ZNF318: variants seen among roughly 807,000 people sequenced by gnomAD.
ZNF318 encodes zinc finger protein 318, also known as endocrine regulator.
Under a neutral mutation model 124.2 loss-of-function variants are expected in ZNF318, and 51 were observed. The observed-to-expected ratio is 0.41, with a 90% confidence interval of 0.33 to 0.52. The LOEUF (loss-of-function observed/expected upper bound fraction) is 0.52, where lower values mean the gene tolerates loss of function less well. ZNF318 is among the 20% of genes least tolerant of loss of function. The pLI, the probability that ZNF318 is intolerant of heterozygous loss-of-function variation, is 0.23. For synonymous variants in ZNF318, 1,090 were observed against 1,040.7 expected, an observed-to-expected ratio of 1.05 and a Z score of -0.91; for missense variants, 2,815 against 2,811.2, an observed-to-expected ratio of 1.00 and a Z score of -0.03.
At position 43,337,018 on chromosome 6, in the gene ZNF318, CCATGAA is replaced by C. The variant is rs1473208676; in HGVS notation, c.*134_*139del. The stretch of plus-strand genomic sequence containing the variant: ...GGAAAGGAGGTAAATTTTTTAGCTT[CCATGAA>C]CATTTACTTTAAGATGCTGACTGCA... On this transcript the variant is annotated 3_prime_UTR_variant, in exon 10 of 10. Transcript: ENST00000361428. The C allele has an allele frequency of 3.2e-5, 24 of 758,070 alleles. No individual in the cohort carries two copies. The South Asian group carries it at 8.0e-4, about 25-fold the overall frequency. The allele number at this position is 758,070 out of a possible 1,614,324, so 47.0% of individuals were successfully genotyped here.
Position 43,355,340 on chromosome 6 carries a change from G to A in ZNF318, c.1994C>T (p.Ser665Leu). ...GGGATCTGAGGAACGTCGATCAGCT[G>A]AGAAGCAGTGGTCAACTGAGGAACA... ...DRCSSVDHCF[S>L]ADRRSSDPHR... Residue 665 changes from serine to leucine, a missense_variant, in exon 4 of 10, where the codon TCA (serine) becomes TTA (leucine). Around this residue, in one of 4 missense-constraint regions of ZNF318, gnomAD observed 1,377 missense variants for 1,353.5 expected, o/e 1.02. Coordinates refer to ENST00000361428, the MANE Select transcript of ZNF318 (RefSeq NM_014345.3). The A allele has an allele frequency of 6.2e-7, 1 of 1,614,180 alleles. No individual in the cohort carries two copies. The highest frequency in any genetic ancestry group is 2.2e-5 in the East Asian group (1 of 44,884).
Position 43,355,025 on chromosome 6 carries a change from G to A in ZNF318, c.2309C>T (p.Ala770Val). 2 of 1,613,368 alleles carry A rather than the reference G, an allele frequency of 1.2e-6. No individual in the cohort carries two copies. The highest frequency in any genetic ancestry group is 1.7e-6 in the Non-Finnish European group (2 of 1,179,508). ...GTAGTTCGGAGGTATCCGAGCTGCA[G>A]CAAACTGAGAGGCCCTTGGCATGTG... ...QFHMPRASQF[A>V]AARIPPNYQG... is the part of the protein sequence containing the mutation. The change falls in exon 4 of 10, where the codon GCT (alanine) becomes GTT (valine). Residue 770 changes from alanine to valine, a missense_variant. Physicochemically the swap from Ala to Val is moderately conservative, Grantham distance 64. This residue lies in a region of ZNF318 where 1,377 missense variants were observed against 1,353.5 expected (regional missense o/e 1.02). Transcript: ENST00000361428.
chr6:43,342,075 G>GT, intron 8 of ZNF318, 37 bp downstream of exon 8: 1 of 1,572,264 alleles, frequency 6.4e-7, no homozygotes, highest in South Asian at 1.1e-5. Context: ...TCAACTGAAT[G>GT]TAAGGAAACC....
intron 5 of ZNF318, among the ~76,000 whole-genome samples, chr6:43,351,113 C>T (rs375070529): frequency 6.6e-6 from 1 of 152,088 alleles, no homozygotes; most frequent in Non-Finnish European, 1.5e-5. Flanking sequence ...AAATGAATAA[C>T]CTGAATTTAA....
rs1779335438 is a variant in ZNF318 at position 43,339,233 on chromosome 6, T to A, written c.4765A>T (p.Thr1589Ser). The part of the protein sequence containing the change: ...GAPETKGAPE[T>S]KLSGGPLANG... ...GCCAATGGACCACCACTTAGCTTAG[T>A]CTCAGGGGCCCCCTTAGTCTCAGGG... is the stretch of plus-strand genomic sequence containing the variant. Residue 1589 changes from threonine (T) to serine (S), a missense_variant, in exon 10 of 10, where the codon ACT becomes TCT. Around this residue, in one of 4 missense-constraint regions of ZNF318, gnomAD observed 927 missense variants for 820.6 expected, o/e 1.13. Coordinates refer to ENST00000361428, the MANE Select transcript of ZNF318 (RefSeq NM_014345.3). This position sits in a 1 kb window ranked among gnomAD's most constrained non-coding sequence, Gnocchi z 4.2. 5 of 1,610,692 alleles carry A rather than the reference T, an allele frequency of 3.1e-6. No individual in the cohort carries two copies. Among genetic ancestry groups the A allele is most frequent in the Non-Finnish European group, 4.2e-6 (5 of 1,178,110 alleles).
At chr6:43,360,189 A>C (rs1460562989) in intron 2 of ZNF318, among the ~76,000 whole-genome samples, 19 of 152,248 alleles carry the variant, frequency 1.2e-4, no homozygotes, top group Non-Finnish European at 2.9e-5. Context: ...ACTAACTATC[A>C]AGAAGCTACA....
Position 43,354,877 on chromosome 6 carries a change from G to C in ZNF318, c.2457C>G (p.His819Gln). The change falls in exon 4 of 10, where the codon CAC (histidine) becomes CAG (glutamine). Residue 819 changes from histidine (H) to glutamine (Q), a missense_variant. His to Gln is a conservative substitution (Grantham distance 24). Around this residue, in one of 4 missense-constraint regions of ZNF318, gnomAD observed 1,377 missense variants for 1,353.5 expected, o/e 1.02. Coordinates refer to ENST00000361428, the MANE Select transcript of ZNF318 (RefSeq NM_014345.3). ...QPSNHPVPEP[H>Q]RIMPITKQAT... is the part of the protein sequence containing the mutation. ...CTTGTTTGGTTATTGGCATTATCCT[G>C]TGTGGTTCAGGTACAGGGTGGTTTG... 6.2e-7 allele frequency: 1 copy of C among 1,614,186 alleles called. No individual in the cohort carries two copies. Among genetic ancestry groups the C allele is most frequent in the South Asian group, 1.1e-5 (1 of 91,086 alleles).
rs371134563 is a variant in ZNF318, at chr6:43,346,275, G to GT, written c.3072+2048dup. The stretch of plus-strand genomic sequence containing the variant: ...GGGAGGCCGGATCACGAGGTCAGGA[G>GT]TTTGAGACCAGCCTGGCCAATATGG... On this transcript the variant is annotated intron_variant, in intron 6 of 9. Transcript: ENST00000361428. 3.1e-3 allele frequency among the ~76,000 whole-genome samples: 467 copies of GT among 150,696 alleles called. 5 individuals carry two copies. Among genetic ancestry groups the GT allele is most frequent in the African/African-American group, 0.011 (435 of 41,050 alleles).
chr6:43,348,360 T>C lies in ZNF318; in HGVS notation c.3036A>G (p.Glu1012=), dbSNP rs1312932925. The C allele has an allele frequency of 6.2e-7, 1 of 1,612,092 alleles. No homozygotes were observed. Among genetic ancestry groups the C allele is most frequent in the Non-Finnish European group, 8.5e-7 (1 of 1,179,440 alleles). ...AGGAGTTTGAGAACGATGACACTTT[T>C]TCTGGGCTCTTAGATTTTTCTGCTT... ...PGKAEKSKSP[E]KVSSFSNSSS... Residue 1012 remains glutamate (E), a synonymous_variant, in exon 6 of 10, where the codon GAA becomes GAG. Transcript: ENST00000361428.
rs1241124853 is a variant in ZNF318 at position 43,352,531 on chromosome 6, T to C, written c.2671-55A>G. 3 of 1,511,450 alleles carry C rather than the reference T, an allele frequency of 2.0e-6. No homozygotes were observed. In the African/African-American group the frequency reaches 4.1e-5, roughly 21 times the overall value. The allele number at this position is 1,511,450 out of a possible 1,614,324, so 93.6% of individuals were successfully genotyped here. A position where few individuals can be genotyped will look rare whatever the true frequency, so the allele number is the denominator to read the frequency against. On this transcript the variant is annotated intron_variant, in intron 4 of 9. Transcript: ENST00000361428. ...ATCTCCTCCAACATTCTCTTTTCTA[T>C]TTCTCTCTTCCAGAAGCCTTCTTCC...
chr6:43,361,160 T>C (rs1295438695), intron 2 of ZNF318, among the ~76,000 whole-genome samples: 2 of 152,208 alleles, frequency 1.3e-5, no homozygotes, highest in East Asian at 1.9e-4. Context: ...TCCATTCTTT[T>C]CTGTTGATGA....
In ZNF318 at chr6:43,365,396, T is replaced by C. The variant is rs749056604; in HGVS notation, c.444A>G (p.Leu148=). ...GLCSDSLEKS[L]RITVGNDHFC... ...AGTGGTCATTGCCAACAGTGATCCT[T>C]AAGCTCTTTTCCAAAGAGTCAGAAC... Residue 148 remains leucine, a synonymous_variant, in exon 2 of 10, where the codon TTA becomes TTG. Transcript: ENST00000361428. 7 of 1,614,036 alleles carry C rather than the reference T, an allele frequency of 4.3e-6. No homozygotes were observed. The African/African-American group carries it at 8.0e-5, about 18-fold the overall frequency.
In ZNF318 at chr6:43,369,425, T is replaced by A. The variant is rs568704123; in HGVS notation, c.-60A>T. 3.7e-4 allele frequency: 422 copies of A among 1,146,136 alleles called. 2 individuals carry two copies. The African/African-American group carries it at 3.8e-3, about 10-fold the overall frequency. The allele number at this position is 1,146,136 out of a possible 1,614,324, so 71.0% of individuals were successfully genotyped here. A position where few individuals can be genotyped will look rare whatever the true frequency, so the allele number is the denominator to read the frequency against. ...ACCCGGGGGCGCCCTAGACGCAGGCTCGGAGCGCGCCGCCGCAGCTGCAGC... is the reference window on the plus strand; with the variant it reads ...ACCCGGGGGCGCCCTAGACGCAGGCACGGAGCGCGCCGCCGCAGCTGCAGC... On this transcript the variant is annotated 5_prime_UTR_variant, in exon 1 of 10. Transcript: ENST00000361428.
chr6:43,340,485 G>A lies in ZNF318; in HGVS notation c.3513C>T (p.Asn1171=). 6.3e-7 allele frequency: 1 copy of A among 1,588,972 alleles called. No individual in the cohort carries two copies. Residue 1171 remains asparagine (N), a synonymous_variant, in exon 10 of 10, where the codon AAC becomes AAT. Transcript: ENST00000361428. ...GATTCCGCCGCTCCTCATATAATGG[G>A]TTTTCATCCACATATTTCTGGGAAG... ...NEKYKKYVDE[N]PLYEERRNLD... is the part of the protein sequence containing the mutation.
At chr6:43,356,792 A>G (rs1779613636) in intron 3 of ZNF318, among the ~76,000 whole-genome samples, 1 of 152,192 alleles carries the variant, frequency 6.6e-6, no homozygotes, top group Non-Finnish European at 1.5e-5. Context: ...GAGAAAATTG[A>G]GATCACCTCC....
At chr6:43,343,562 C>T (rs1779400362) in intron 6 of ZNF318, among the ~76,000 whole-genome samples, 1 of 152,084 alleles carries the variant, frequency 6.6e-6, no homozygotes, top group Admixed American at 6.5e-5. Flanking sequence ...GGTGCAGTGG[C>T]TCACACCTGT....
chr6:43,369,356 T>C lies in ZNF318; in HGVS notation c.10A>G (p.Ser4Gly), dbSNP rs1779806567. The C allele has an allele frequency of 2.3e-6, 3 of 1,322,056 alleles. No homozygotes were observed. Among genetic ancestry groups the C allele is most frequent in the Non-Finnish European group, 2.9e-6 (3 of 1,029,050 alleles). The allele number at this position is 1,322,056 out of a possible 1,614,324, so 81.9% of individuals were successfully genotyped here. A position where few individuals can be genotyped will look rare whatever the true frequency, so the allele number is the denominator to read the frequency against. Residue 4 changes from serine to glycine, a missense_variant, in exon 1 of 10, where the codon AGC becomes GGC. Ser to Gly is a moderately conservative substitution (Grantham distance 56, BLOSUM62 0). Coordinates refer to ENST00000361428, the MANE Select transcript of ZNF318 (RefSeq NM_014345.3). MYR[S>G]SARSSVSSHR... ...GAAGAGACGGAGGAGCGAGCGCTGC[T>C]GCGGTACATGGTTCTTGCAGCGGCG...
chr6:43,348,121 T>A (rs1779474661), intron 6 of ZNF318, among the ~76,000 whole-genome samples: 1 of 152,178 alleles, frequency 6.6e-6, no homozygotes, highest in African/African-American at 2.4e-5. Flanking sequence ...AGGTTCTGAA[T>A]ACTGAGGATT....
At chr6:43,358,414 A>AT (rs71547834) in intron 2 of ZNF318, among the ~76,000 whole-genome samples, 7,289 of 124,728 alleles carry the variant, frequency 0.058, 532 homozygotes, top group African/African-American at 0.16. Flanking sequence ...CACCCGGCTA[A>AT]TTTTTTTTTT....
Sources: allele counts gnomAD v4.1 joint callset (sites outside exome capture counted in the v4.1 genomes callset), GRCh38; gene constraint gnomAD v4.1.1; regional missense constraint gnomAD v4.1.1; non-coding constraint Gnocchi (gnomAD v3.1); transcripts MANE v1.5; gene names NCBI Gene and HGNC (gene_info 2026-07-23, HGNC 2026-07-21).